ZCCHC14: variants seen among roughly 807,000 people sequenced by gnomAD.
ZCCHC14 encodes zinc finger CCHC-type containing 14.
ZCCHC14 carries 16 observed loss-of-function variants against 85.0 expected under a neutral mutation model. The observed-to-expected ratio is 0.19, with a 90% CI of 0.13 to 0.29. The LOEUF is 0.29. Among genes scored for constraint, ZCCHC14 ranks in the 10% least tolerant of loss-of-function variants. The pLI, the probability that ZCCHC14 is intolerant of heterozygous loss-of-function variation, is 1.00. For synonymous variants in ZCCHC14, 775 were observed against 630.7 expected (o/e 1.23, Z -3.43); for missense variants, 1,303 against 1,443.5 (o/e 0.90, Z 1.58).
rs550515327 is a variant in ZCCHC14 at position 87,413,265 on chromosome 16, G to A, written c.1604-70C>T. 1.2e-5 allele frequency: 18 copies of A among 1,448,868 alleles called. No individual in the cohort carries two copies. The African/African-American group carries it at 2.6e-4, about 21-fold the overall frequency. The allele number at this position is 1,448,868 out of a possible 1,614,324, so 89.8% of individuals were successfully genotyped here. A position where few individuals can be genotyped will look rare whatever the true frequency, so the allele number is the denominator to read the frequency against. ...CAGGCTCAGCCCGCCCCGTGCCCCT[G>A]CATCGCACTGTCGGCAGGTGCTCCT... is the stretch of plus-strand genomic sequence containing the variant. On this transcript the variant is annotated intron_variant, in intron 10 of 12. Transcript: ENST00000671377.
rs1911574046 is a variant in ZCCHC14, at chr16:87,467,391, G to C, written c.571-7260C>G. ...AATTAAGCAAGAGAAACTGGGCACA[G>C]TTTACTGTCAGGCAAGCTCTCCTGG... is the stretch of plus-strand genomic sequence containing the variant. On this transcript the variant is annotated intron_variant, in intron 1 of 12. Coordinates refer to ENST00000671377, the MANE Select transcript of ZCCHC14 (RefSeq NM_015144.3). 5 of 1,600,532 alleles carry C rather than the reference G, an allele frequency of 3.1e-6. No individual in the cohort carries two copies. The South Asian group carries it at 3.3e-5, about 11-fold the overall frequency.
intron 1 of ZCCHC14, among the ~76,000 whole-genome samples, chr16:87,485,000 G>A (rs1380747513): frequency 1.3e-5 from 2 of 152,170 alleles, no homozygotes; most frequent in Non-Finnish European, 2.9e-5. Flanking sequence ...AAACACAAGA[G>A]AAACTAAGGA....
intron 7 of ZCCHC14, 71 bp from the exon 8 acceptor site, chr16:87,417,813 C>A: frequency 6.8e-7 from 1 of 1,462,712 alleles, no homozygotes; most frequent in East Asian, 2.4e-5. Flanking sequence ...CCACAGACCT[C>A]ACTTCCAGGC....
intron 2 of ZCCHC14, among the ~76,000 whole-genome samples, chr16:87,447,503 T>C (rs755290751): frequency 5.9e-5 from 9 of 152,186 alleles, no homozygotes; most frequent in Non-Finnish European, 1.2e-4. Context: ...TCATTCAACA[T>C]TGTATTTTTG....
At chr16:87,422,465 C>T (rs1909150716) in intron 4 of ZCCHC14, among the ~76,000 whole-genome samples, 1 of 151,960 alleles carries the variant, frequency 6.6e-6, no homozygotes, top group Non-Finnish European at 1.5e-5. Context: ...TGGCTCACAC[C>T]TGTAACACCA....
chr16:87,418,736 A>G, intron 7 of ZCCHC14, 111 bp downstream of exon 7: 4 of 1,112,098 alleles, frequency 3.6e-6, no homozygotes, highest in Non-Finnish European at 5.3e-6. Context: ...AATATCATCC[A>G]AGACTCAACT....
intron 2 of ZCCHC14, among the ~76,000 whole-genome samples, chr16:87,435,583 C>T (rs1028252140): frequency 6.6e-6 from 1 of 152,242 alleles, no homozygotes; most frequent in African/African-American, 2.4e-5. Flanking sequence ...CATCCTCGCT[C>T]GCTCCCCAGC....
intron 2 of ZCCHC14, among the ~76,000 whole-genome samples, chr16:87,445,051 T>C (rs1291842110): frequency 6.8e-6 from 1 of 146,638 alleles, no homozygotes; most frequent in Non-Finnish European, 1.5e-5. Context: ...AAATTTGTGA[T>C]TTTGTTTTTC....
chr16:87,414,662 T>C, intron 9 of ZCCHC14, 121 bp from the exon 10 acceptor site: 1 of 1,357,868 alleles, frequency 7.4e-7, no homozygotes, highest in Non-Finnish European at 9.9e-7. Context: ...GACTTCGAGA[T>C]GGGTCTACTC....
chr16:87,460,329 G>A (rs1056271590), intron 1 of ZCCHC14, among the ~76,000 whole-genome samples, 198 bp from the exon 2 acceptor site: 6 of 152,170 alleles, frequency 3.9e-5, no homozygotes, highest in South Asian at 2.1e-4. Flanking sequence ...AAAGAGCTCA[G>A]ATAACTTGAG....
chr16:87,453,063 GA>G (rs1399094714), intron 2 of ZCCHC14, among the ~76,000 whole-genome samples: 2 of 152,240 alleles, frequency 1.3e-5, no homozygotes, highest in Non-Finnish European at 2.9e-5. Context: ...AGGCGAAATA[GA>G]GGGGCAGATT....
chr16:87,426,778 G>A (rs1909393319), intron 3 of ZCCHC14, among the ~76,000 whole-genome samples: 1 of 152,264 alleles, frequency 6.6e-6, no homozygotes, highest in South Asian at 2.1e-4. Flanking sequence ...GGAGAACACA[G>A]CAGCCAAGGG....
At chr16:87,451,398 A>G (rs1448390853) in intron 2 of ZCCHC14, among the ~76,000 whole-genome samples, 1 of 150,920 alleles carries the variant, frequency 6.6e-6, no homozygotes, top group African/African-American at 2.4e-5. Context: ...GGGTTTCACC[A>G]TGTTGATCAG....
chr16:87,471,340 T>G (rs532769916), intron 1 of ZCCHC14: 16 of 152,342 alleles, frequency 1.1e-4, no homozygotes, highest in African/African-American at 3.8e-4. Flanking sequence ...TTTGCTGACT[T>G]AGACCAAGTG....
At chr16:87,419,737 T>G (rs1473197039) in intron 6 of ZCCHC14, 46 bp downstream of exon 6, 7 of 435,536 alleles carry the variant, frequency 1.6e-5, no homozygotes, top group African/African-American at 2.2e-5. Flanking sequence ...CGCCCAGCTG[T>G]TTTTTTTTTT....
chr16:87,482,195 T>G (rs183032709), intron 1 of ZCCHC14, among the ~76,000 whole-genome samples: 315 of 152,338 alleles, frequency 2.1e-3, no homozygotes, highest in Admixed American at 7.3e-3. Flanking sequence ...TTTGCCACAC[T>G]GAGCTACTGG....
chr16:87,457,305 C>T (rs1911022903), intron 2 of ZCCHC14, among the ~76,000 whole-genome samples: 2 of 152,332 alleles, frequency 1.3e-5, no homozygotes, highest in Non-Finnish European at 2.9e-5. Flanking sequence ...CAGTACAGTC[C>T]CACCTTTCTT....
chr16:87,413,042 C>A lies in ZCCHC14; in HGVS notation c.1744+13G>T. ...TGGGCCAGGTCGAGCCAGCGCCGCG[C>A]ACGTGCCCTTACGTCTGTCATTCTC... On this transcript the variant is annotated intron_variant, in intron 11 of 12. Coordinates refer to ENST00000671377, the MANE Select transcript of ZCCHC14 (RefSeq NM_015144.3). 6.2e-7 allele frequency: 1 copy of A among 1,614,196 alleles called. No homozygotes were observed.
chr16:87,418,938 G>A lies in ZCCHC14; in HGVS notation c.1046-37C>T, dbSNP rs749815502. ...AAAATAAATACCATAAAAATTTACA[G>A]ACAATGAAAATATTTGTTTTATTTT... On this transcript the variant is annotated intron_variant, in intron 6 of 12. Coordinates refer to ENST00000671377, the MANE Select transcript of ZCCHC14 (RefSeq NM_015144.3). 36 of 1,533,036 alleles carry A rather than the reference G, an allele frequency of 2.3e-5. No homozygotes were observed. The East Asian group carries it at 4.9e-4, about 21-fold the overall frequency. 95.0% of individuals were successfully genotyped at this position (1,533,036 alleles called of 1,614,324 possible). A position where few individuals can be genotyped will look rare whatever the true frequency, so the allele number is the denominator to read the frequency against.
Sources: gnomAD v4.1 joint callset for allele counts (sites outside exome capture counted in the v4.1 genomes callset) on GRCh38, gnomAD v4.1.1 for gene constraint, MANE v1.5 for transcripts, NCBI Gene and HGNC (gene_info 2026-07-23, HGNC 2026-07-21) for gene names.